SHISA9: variants seen among roughly 807,000 people sequenced by gnomAD.
The protein encoded by SHISA9 is shisa family member 9.
SHISA9 carries 13 observed loss-of-function variants against 38.0 expected under a neutral mutation model. The ratio of observed to expected loss-of-function variants is 0.34; its 90% confidence interval spans 0.22 to 0.54. The LOEUF (loss-of-function observed/expected upper bound fraction) is 0.54. Ranked by LOEUF, SHISA9 falls within the 20% of genes least tolerant of loss-of-function variation. The pLI is 0.91. For missense variants in SHISA9, 538 were observed against 575.8 expected (o/e 0.93, Z 0.67); for synonymous variants, 275 against 242.0 (o/e 1.14, Z -1.27).
At chr16:12,911,145 A>G in intron 1 of SHISA9, 1 of 550,144 alleles carries the variant, frequency 1.8e-6, no homozygotes, top group Non-Finnish European at 2.3e-6. Context: ...TGGCCTGTGA[A>G]CCAGCAGCAT....
chr16:13,242,682 A>G (rs541575365), downstream of SHISA9, among the ~76,000 whole-genome samples: 1 of 152,210 alleles, frequency 6.6e-6, no homozygotes, highest in South Asian at 2.1e-4. Flanking sequence ...CCATGTCTTC[A>G]TTTTCCTTCA....
intron 2 of SHISA9, among the ~76,000 whole-genome samples, chr16:13,050,732 G>C (rs11860020): frequency 0.15 from 23,411 of 152,186 alleles, 3,054 homozygotes; most frequent in African/African-American, 0.34. Flanking sequence ...CCATGGAAGA[G>C]TTACCTGTCT....
chr16:13,131,672 A>T (rs1395253412), intron 2 of SHISA9, among the ~76,000 whole-genome samples: 1 of 152,164 alleles, frequency 6.6e-6, no homozygotes, highest in African/African-American at 2.4e-5. Flanking sequence ...TGACAGCCAT[A>T]TTTGGCCTAT....
At chr16:13,152,035 T>C (rs2050504136) in intron 2 of SHISA9, among the ~76,000 whole-genome samples, 2 of 152,172 alleles carry the variant, frequency 1.3e-5, no homozygotes, top group East Asian at 3.8e-4. Context: ...TTAGATTAAA[T>C]TGTGTGAGAA....
the SHISA9 span, among the ~76,000 whole-genome samples, chr16:13,369,060 A>C: frequency 6.6e-6 from 1 of 152,230 alleles, no homozygotes; most frequent in Non-Finnish European, 1.5e-5. Context: ...AACATTAGAC[A>C]ACTGTTAAAA....
intron 3 of SHISA9, among the ~76,000 whole-genome samples, chr16:13,211,142 C>A (rs1255788030): frequency 1.3e-5 from 2 of 151,880 alleles, no homozygotes; most frequent in South Asian, 2.1e-4. Context: ...ACTAAAAATA[C>A]AAAAATTAGC....
the SHISA9 span, among the ~76,000 whole-genome samples, chr16:13,453,177 C>T: frequency 3.3e-5 from 5 of 152,206 alleles, no homozygotes; most frequent in South Asian, 2.1e-4. Flanking sequence ...TGTGAGCCAC[C>T]GCGCCCAGCC....
the SHISA9 span, among the ~76,000 whole-genome samples, chr16:13,337,539 T>G: frequency 6.6e-6 from 1 of 152,156 alleles, no homozygotes; most frequent in Non-Finnish European, 1.5e-5. Context: ...CATTCACCAG[T>G]GAAGTGCCAA....
chr16:13,445,368 C>T, the SHISA9 span, among the ~76,000 whole-genome samples: 1 of 152,078 alleles, frequency 6.6e-6, no homozygotes, highest in Non-Finnish European at 1.5e-5. Flanking sequence ...AGATGTTAAG[C>T]TTTGTGGAGA....
intron 4 of SHISA9, among the ~76,000 whole-genome samples, chr16:13,225,489 G>A (rs2051270092): frequency 6.6e-6 from 1 of 152,190 alleles, no homozygotes; most frequent in South Asian, 2.1e-4. Flanking sequence ...TAAGTGTAAT[G>A]AGAAGATTAA....
the SHISA9 span, among the ~76,000 whole-genome samples, chr16:13,512,130 A>G: frequency 2.0e-5 from 3 of 152,168 alleles, no homozygotes; most frequent in African/African-American, 7.2e-5. Flanking sequence ...TTTCCAAGTA[A>G]CCTAATTGCA....
the SHISA9 span, among the ~76,000 whole-genome samples, chr16:13,394,882 C>T: frequency 6.6e-6 from 1 of 152,080 alleles, no homozygotes; most frequent in African/African-American, 2.4e-5. Flanking sequence ...CATAGGGCCC[C>T]TCCCTTCCTC....
chr16:13,295,238 G>A, the SHISA9 span, among the ~76,000 whole-genome samples: 1 of 152,096 alleles, frequency 6.6e-6, no homozygotes, highest in Admixed American at 6.6e-5. Context: ...AAATTATTTT[G>A]TAGACAAAGG....
the SHISA9 span, among the ~76,000 whole-genome samples, chr16:13,262,678 G>GAGGGAGGGAGGGGGGA: frequency 1.8e-5 from 1 of 55,864 alleles, no homozygotes. Flanking sequence ...GGAAGGGAGG[G>GAGGGAGGGAGGGGGGA]AGGAAGGAAG....
chr16:13,379,885 A>G, the SHISA9 span, among the ~76,000 whole-genome samples: 1 of 152,220 alleles, frequency 6.6e-6, no homozygotes, highest in Non-Finnish European at 1.5e-5. Context: ...CTAATATATC[A>G]TTACAGCTAA....
At chr16:13,422,637 A>C in the SHISA9 span, among the ~76,000 whole-genome samples, 159 of 152,344 alleles carry the variant, frequency 1.0e-3, 1 homozygote, top group Middle Eastern at 0.014. Flanking sequence ...CGGAGGTTGC[A>C]GTGAGCTGAG....
At chr16:12,915,547 T>C (rs1037580811) in intron 1 of SHISA9, among the ~76,000 whole-genome samples, 2 of 152,182 alleles carry the variant, frequency 1.3e-5, no homozygotes, top group Non-Finnish European at 2.9e-5. Flanking sequence ...GGGCTGATAG[T>C]CTGCTGGTTT....
intron 2 of SHISA9, among the ~76,000 whole-genome samples, chr16:12,981,028 G>C (rs549957858): frequency 6.6e-6 from 1 of 152,028 alleles, no homozygotes; most frequent in Non-Finnish European, 1.5e-5. Context: ...TGCTTCTGTT[G>C]GAATCTGTAA....
At chr16:13,107,521 A>G (rs1454526179) in intron 2 of SHISA9, among the ~76,000 whole-genome samples, 8 of 149,912 alleles carry the variant, frequency 5.3e-5, no homozygotes, top group African/African-American at 1.7e-4. Flanking sequence ...ACACAGAGTT[A>G]ACTTAACTTT....
Sources: gnomAD v4.1 joint callset for allele counts (sites outside exome capture counted in the v4.1 genomes callset) on GRCh38, gnomAD v4.1.1 for gene constraint, MANE v1.5 for transcripts, NCBI Gene and HGNC (gene_info 2026-07-23, HGNC 2026-07-21) for gene names.